The following NEGR1 variants were observed in gnomAD, a reference collection of about 807,000 sequenced individuals.
NEGR1 encodes neuronal growth regulator 1, also known as IgLON family member 4.
A neutral mutation model predicts 40.9 loss-of-function variants in NEGR1; 10 were observed. That is an observed-to-expected ratio of 0.24 (90% CI 0.15 to 0.42). NEGR1 has a LOEUF of 0.42. NEGR1 is among the 10% of genes least tolerant of loss of function. The pLI, the probability that NEGR1 is intolerant of heterozygous loss-of-function variation, is 1.00. For missense variants in NEGR1, 352 were observed against 438.9 expected (o/e 0.80, Z 1.77); for synonymous variants, 185 against 166.8 (o/e 1.11, Z -0.84).
At position 71,962,954 on chromosome 1, in the gene NEGR1, A is replaced by T. The variant is rs188413091; in HGVS notation, c.177-27643T>A. Among the ~76,000 whole-genome samples, 24 of 152,200 alleles carry T rather than the reference A, an allele frequency of 1.6e-4. No homozygotes were observed. In the East Asian group the frequency reaches 4.1e-3, roughly 26 times the overall value. On this transcript the variant is annotated intron_variant, in intron 1 of 6. Coordinates refer to ENST00000357731, the MANE Select transcript of NEGR1 (RefSeq NM_173808.3). Reference sequence around the variant, plus strand: ...TTTGTCTTAAAAACAATGTATGCTTATGATAAAAAAAATACAGAAATACTC... The same window carrying T: ...TTTGTCTTAAAAACAATGTATGCTTTTGATAAAAAAAATACAGAAATACTC...
At chr1:71,799,384 T>G (rs1274820589) in intron 2 of NEGR1, among the ~76,000 whole-genome samples, 1 of 152,224 alleles carries the variant, frequency 6.6e-6, no homozygotes, top group Non-Finnish European at 1.5e-5. Flanking sequence ...TCATTCTTTT[T>G]TATGGCTAAA....
intron 2 of NEGR1, among the ~76,000 whole-genome samples, chr1:71,881,648 G>GTCTT (rs530926125): frequency 3.9e-4 from 59 of 152,134 alleles, no homozygotes; most frequent in African/African-American, 1.4e-3. Flanking sequence ...GAAGAAAAAA[G>GTCTT]TCTTAACTAT....
intron 1 of NEGR1, among the ~76,000 whole-genome samples, chr1:72,120,659 A>T (rs2630402): frequency 0.22 from 33,701 of 151,826 alleles, 4,389 homozygotes; most frequent in Non-Finnish European, 0.29. Flanking sequence ...ATCCCTCCCC[A>T]CTACCTCCAC....
At chr1:71,637,739 G>C (rs1651204528) in intron 4 of NEGR1, among the ~76,000 whole-genome samples, 1 of 151,800 alleles carries the variant, frequency 6.6e-6, no homozygotes, top group African/African-American at 2.4e-5. Flanking sequence ...GAAGAAGAGG[G>C]TGAAGACACA....
chr1:71,561,501 G>A (rs1648458524), intron 6 of NEGR1, among the ~76,000 whole-genome samples: 1 of 151,616 alleles, frequency 6.6e-6, no homozygotes, highest in Non-Finnish European at 1.5e-5. Flanking sequence ...ATAAAATTAT[G>A]TACTCACTTG....
At chr1:71,780,759 G>A (rs897924101) in intron 2 of NEGR1, among the ~76,000 whole-genome samples, 4 of 152,222 alleles carry the variant, frequency 2.6e-5, no homozygotes, top group East Asian at 1.9e-4. Context: ...GAGATAATGC[G>A]TATTTAGATG....
intron 2 of NEGR1, among the ~76,000 whole-genome samples, chr1:71,873,601 A>G (rs1481438687): frequency 1.3e-5 from 2 of 152,176 alleles, no homozygotes; most frequent in African/African-American, 4.8e-5. Flanking sequence ...TAAATAATCT[A>G]TGTGCAAATA....
At chr1:71,946,246 T>C (rs920747231) in intron 1 of NEGR1, among the ~76,000 whole-genome samples, 2 of 152,118 alleles carry the variant, frequency 1.3e-5, no homozygotes, top group Non-Finnish European at 2.9e-5. Context: ...ATATTTTTAT[T>C]TTTATATTTT....
At chr1:71,567,050 A>G (rs573571397) in intron 6 of NEGR1, among the ~76,000 whole-genome samples, 39 of 152,298 alleles carry the variant, frequency 2.6e-4, no homozygotes, top group Middle Eastern at 3.4e-3. Flanking sequence ...GGGGACATAA[A>G]CATTTAGACC....
chr1:71,665,688 A>T (rs569086373), intron 4 of NEGR1, among the ~76,000 whole-genome samples: 1 of 151,978 alleles, frequency 6.6e-6, no homozygotes, highest in Admixed American at 6.6e-5. Context: ...TTTTCTTTGA[A>T]TCTACACCAG....
intron 6 of NEGR1, among the ~76,000 whole-genome samples, chr1:71,560,429 T>TTATATATATATATATA (rs58813234): frequency 0.025 from 2,882 of 113,666 alleles, 130 homozygotes; most frequent in East Asian, 0.05. Context: ...TAATTCTCCA[T>TTATATATATATATATA]TATATATATA....
intron 1 of NEGR1, among the ~76,000 whole-genome samples, chr1:72,152,664 G>A (rs1035918380): frequency 6.6e-6 from 1 of 151,780 alleles, no homozygotes; most frequent in African/African-American, 2.4e-5. Context: ...CCAAAAATAA[G>A]CATGTACTTA....
At chr1:71,639,448 T>C (rs1435305288) in intron 4 of NEGR1, among the ~76,000 whole-genome samples, 1 of 152,046 alleles carries the variant, frequency 6.6e-6, no homozygotes, top group African/African-American at 2.4e-5. Context: ...GCTGAAGATG[T>C]TTTGTCAATA....
rs982422153 is a variant in NEGR1 at position 72,007,001 on chromosome 1, A to T, written c.177-71690T>A. Among the ~76,000 whole-genome samples, 8 of 152,288 alleles carry T rather than the reference A, an allele frequency of 5.3e-5. No homozygotes were observed. The East Asian group carries it at 1.4e-3, about 26-fold the overall frequency. On this transcript the variant is annotated intron_variant, in intron 1 of 6. Transcript: ENST00000357731. ...TTAATGAGGTTATATTTCTTTACAC[A>T]TCTCTTTCCTGTTAATAAGGTCTAA... is the stretch of plus-strand genomic sequence containing the variant.
chr1:72,186,105 T>C (rs779969318), intron 1 of NEGR1, among the ~76,000 whole-genome samples: 15 of 151,758 alleles, frequency 9.9e-5, no homozygotes, highest in Non-Finnish European at 1.8e-4. Flanking sequence ...CTCAAATTTG[T>C]AAAGGAAATA....
At chr1:71,749,025 A>T (rs143438175) in intron 3 of NEGR1, among the ~76,000 whole-genome samples, 105 of 152,304 alleles carry the variant, frequency 6.9e-4, no homozygotes, top group Non-Finnish European at 1.2e-4. Context: ...AATCATTGAG[A>T]ACTTGTTAAC....
intron 1 of NEGR1, among the ~76,000 whole-genome samples, chr1:71,962,381 A>G (rs933058231): frequency 2.0e-5 from 3 of 152,068 alleles, no homozygotes; most frequent in African/African-American, 7.2e-5. Context: ...CTTCCTTTAA[A>G]AATAATTTAT....
At chr1:72,137,094 C>A (rs1402520014) in intron 1 of NEGR1, among the ~76,000 whole-genome samples, 7 of 152,094 alleles carry the variant, frequency 4.6e-5, no homozygotes, top group Non-Finnish European at 7.4e-5. Flanking sequence ...AGTCAGGAAA[C>A]AACAGATGCT....
chr1:71,865,199 C>G (rs1660076189), intron 2 of NEGR1, among the ~76,000 whole-genome samples: 1 of 152,096 alleles, frequency 6.6e-6, no homozygotes, highest in South Asian at 2.1e-4. Context: ...TTAGCCATAC[C>G]TGAAGGTCTT....
Sources: gnomAD v4.1 joint callset for allele counts (sites outside exome capture counted in the v4.1 genomes callset) on GRCh38, gnomAD v4.1.1 for gene constraint, MANE v1.5 for transcripts, NCBI Gene and HGNC (gene_info 2026-07-23, HGNC 2026-07-21) for gene names.